DST: variants seen among roughly 807,000 people sequenced by gnomAD.
DST encodes the protein bullous pemphigoid antigen.
DST carries 253 observed loss-of-function variants against 875.2 expected under a neutral mutation model. That is an observed-to-expected ratio of 0.29 (90% CI 0.26 to 0.32). The LOEUF (loss-of-function observed/expected upper bound fraction) is 0.32, where lower values mean the gene tolerates loss of function less well. Among genes scored for constraint, DST ranks in the 10% least tolerant of loss-of-function variants. The pLI is 1.00. For synonymous variants in DST, 3,124 were observed against 3,197.1 expected, an observed-to-expected ratio of 0.98 and a Z score of 0.77; for missense variants, 8,287 against 9,111.6, an observed-to-expected ratio of 0.91 and a Z score of 3.68.
chr6:56,929,142 C>G (rs1808791949), intron 2 of DST, among the ~76,000 whole-genome samples: 1 of 152,114 alleles, frequency 6.6e-6, no homozygotes, highest in Non-Finnish European at 1.5e-5. Flanking sequence ...TTAAAATAAA[C>G]CATTGTAAAT....
chr6:56,522,855 C>T (rs998519639), intron 69 of DST, among the ~76,000 whole-genome samples: 6 of 152,082 alleles, frequency 3.9e-5, no homozygotes, highest in Non-Finnish European at 8.8e-5. Context: ...TGATGAATTG[C>T]TCTGAGGCTT....
intron 3 of DST, among the ~76,000 whole-genome samples, chr6:56,855,553 A>C (rs1767460861): frequency 6.6e-6 from 1 of 152,230 alleles, no homozygotes; most frequent in African/African-American, 2.4e-5. Context: ...GTTCAAAGCC[A>C]ATCACAAATA....
chr6:56,546,036 T>C (rs1396698687), intron 61 of DST, among the ~76,000 whole-genome samples: 2 of 152,110 alleles, frequency 1.3e-5, no homozygotes, highest in Admixed American at 6.6e-5. Context: ...CATATGAATA[T>C]GCAATAACTA....
chr6:56,897,709 C>G (rs1247435016), intron 3 of DST, among the ~76,000 whole-genome samples: 1 of 152,094 alleles, frequency 6.6e-6, no homozygotes, highest in Non-Finnish European at 1.5e-5. Context: ...TTGCTCAGTC[C>G]CTGGGAGACT....
At position 56,568,430 on chromosome 6, in the gene DST, ATTCTTAGTTT is replaced by A. The variant is rs755549926; in HGVS notation, c.14005+29_14005+38del. 2.5e-6 allele frequency: 4 copies of A among 1,574,820 alleles called. No individual in the cohort carries two copies. In the South Asian group the frequency reaches 4.8e-5, roughly 19 times the overall value. ...CACAAAATTGACATGAGTAAACCTG[ATTCTTAGTTT>A]TTGCCATAAATGTAAATAAAGCTCA... On this transcript the variant is annotated intron_variant, in intron 55 of 103. Transcript: ENST00000680361.
chr6:56,685,787 A>G (rs891732026), intron 9 of DST, among the ~76,000 whole-genome samples: 4 of 152,062 alleles, frequency 2.6e-5, no homozygotes, highest in African/African-American at 9.7e-5. Flanking sequence ...AAATTCAAAA[A>G]AGTAACACAG....
intron 49 of DST, among the ~76,000 whole-genome samples, chr6:56,587,516 A>G (rs1402593788): frequency 2.6e-5 from 4 of 152,228 alleles, no homozygotes; most frequent in South Asian, 4.2e-4. Flanking sequence ...AACTTCCCCA[A>G]TCTAGCAAGG....
chr6:56,605,403 A>G lies in DST; in HGVS notation c.9225T>C (p.Leu3075=), dbSNP rs1189412386. 6.2e-7 allele frequency: 1 copy of G among 1,612,832 alleles called. No individual in the cohort carries two copies. The highest frequency in any genetic ancestry group is 8.5e-7 in the Non-Finnish European group (1 of 1,179,298). The change falls in exon 40 of 104, where the codon CTT becomes CTC. Residue 3075 remains leucine (L), a synonymous_variant. Coordinates refer to ENST00000680361, the MANE Select transcript of DST (RefSeq NM_001374736.1). Reference sequence around the variant, plus strand: ...TATCCCTTGTATTTTTACCAGGCAAAAGTTTGAGATGCCTATTTTCTTCTT... The same window carrying G: ...TATCCCTTGTATTTTTACCAGGCAAGAGTTTGAGATGCCTATTTTCTTCTT... ...LVEEENRHLK[L]LPGKNTRDSF...
At chr6:56,760,937 C>G (rs2099615686) in intron 4 of DST, among the ~76,000 whole-genome samples, 1 of 152,240 alleles carries the variant, frequency 6.6e-6, no homozygotes, top group Admixed American at 6.5e-5. Flanking sequence ...ATGGAAACTT[C>G]TCCCTTCAAG....
Position 56,624,692 on chromosome 6 carries a change from T to C in DST, c.4831-64A>G, listed in dbSNP as rs111848917. On this transcript the variant is annotated intron_variant, in intron 35 of 103. Transcript: ENST00000680361. ...AGTTACTCTTACTAAGTTGAATGAA[T>C]TTTGAATAATAATTACATTAACTAG... 212 of 1,078,234 alleles carry C rather than the reference T, an allele frequency of 2.0e-4. 3 individuals are homozygous for C. The African/African-American group carries it at 2.8e-3, about 14-fold the overall frequency. 66.8% of individuals were successfully genotyped at this position (1,078,234 alleles called of 1,614,324 possible).
chr6:56,463,895 T>G, intron 100 of DST, 131 bp from the exon 101 acceptor site: 1 of 952,248 alleles, frequency 1.1e-6, no homozygotes, highest in Non-Finnish European at 1.7e-6. Flanking sequence ...CTTTTTGCCA[T>G]GCCAACTCCA....
intron 61 of DST, among the ~76,000 whole-genome samples, chr6:56,550,007 C>T (rs78309743): frequency 2.2e-4 from 33 of 152,194 alleles, no homozygotes; most frequent in African/African-American, 7.9e-4. Context: ...TAGCATCTAC[C>T]TCTCATGACT....
chr6:56,838,937 T>C (rs1045809626), intron 4 of DST, among the ~76,000 whole-genome samples: 11 of 152,272 alleles, frequency 7.2e-5, no homozygotes, highest in African/African-American at 2.7e-4. Context: ...TGTATCCAAA[T>C]TTTAAGTTCC....
Position 56,640,469 on chromosome 6 carries a change from C to T in DST, c.2164G>A (p.Ala722Thr). The change falls in exon 18 of 104, where the codon GCA becomes ACA. Residue 722 changes from alanine (A) to threonine (T), a missense_variant. Physicochemically the swap from Ala to Thr is moderately conservative, Grantham distance 58. Around this residue, in one of 10 missense-constraint regions of DST, gnomAD observed 1,160 missense variants for 1,424.3 expected, o/e 0.81. Coordinates refer to ENST00000680361, the MANE Select transcript of DST (RefSeq NM_001374736.1). ...GTCAGACTAGGGTGTAAGGTCTGTG[C>T]AAATCCTGAGTTTAAACTTTGAGTG... ...GITQSLNSGF[A>T]QTLHPSLTSG... 6.2e-7 allele frequency: 1 copy of T among 1,614,166 alleles called. No individual in the cohort carries two copies. Among genetic ancestry groups the T allele is most frequent in the Non-Finnish European group, 8.5e-7 (1 of 1,180,022 alleles).
chr6:56,843,639 C>T (rs1486418628), intron 4 of DST: 17 of 983,860 alleles, frequency 1.7e-5, no homozygotes, highest in Middle Eastern at 5.2e-4. Flanking sequence ...TGCTGCGCGG[C>T]GCATCTGCGG....
chr6:56,634,170 T>A lies in DST; in HGVS notation c.3583A>T (p.Asn1195Tyr). The A allele has an allele frequency of 6.2e-7, 1 of 1,613,550 alleles. No individual in the cohort carries two copies. Among genetic ancestry groups the A allele is most frequent in the Non-Finnish European group, 8.5e-7 (1 of 1,179,998 alleles). The change falls in exon 27 of 104, where the codon AAT becomes TAT. Residue 1195 changes from asparagine to tyrosine, a missense_variant. Physicochemically the swap from Asn to Tyr is moderately radical, Grantham distance 143. Coordinates refer to ENST00000680361, the MANE Select transcript of DST (RefSeq NM_001374736.1). Reference sequence around the variant, plus strand: ...CTAGCTCGAATTCTATCAATTTCATTGATGAGATAATGCCAGGATACTACA... The same window carrying A: ...CTAGCTCGAATTCTATCAATTTCATAGATGAGATAATGCCAGGATACTACA... ...KSVVSWHYLI[N>Y]EIDRIRASNV...
chr6:56,499,587 G>C (rs1042835414), intron 80 of DST, among the ~76,000 whole-genome samples: 1 of 152,082 alleles, frequency 6.6e-6, no homozygotes, highest in Non-Finnish European at 1.5e-5. Context: ...CAGCAATTCT[G>C]CTGGGAATTT....
intron 88 of DST, chr6:56,483,930 CACAAGCACACATG>C (rs2095484077): frequency 6.6e-6 from 1 of 152,170 alleles, no homozygotes; most frequent in Non-Finnish European, 1.5e-5. Flanking sequence ...TTCACACACA[CACAAGCACACATG>C]CAAATGGTAC....
In DST at chr6:56,604,532, C is replaced by G. The variant is rs780823274; in HGVS notation, c.10096G>C (p.Gly3366Arg). 3 of 1,612,330 alleles carry G rather than the reference C, an allele frequency of 1.9e-6. No individual in the cohort carries two copies. The highest frequency in any genetic ancestry group is 1.7e-6 in the Non-Finnish European group (2 of 1,179,048). Residue 3366 changes from glycine to arginine, a missense_variant, in exon 40 of 104, where the codon GGT (glycine) becomes CGT (arginine). Coordinates refer to ENST00000680361, the MANE Select transcript of DST (RefSeq NM_001374736.1). ...KDILKSRLKE[G>R]HMNPQEVEEP... is the part of the protein sequence containing the mutation. ...TCAACCTCTTGAGGGTTCATATGACCTTCTTTCAACCTGCTTTTTAAGATA... is the reference window on the plus strand; with the variant it reads ...TCAACCTCTTGAGGGTTCATATGACGTTCTTTCAACCTGCTTTTTAAGATA...
Sources: allele counts gnomAD v4.1 joint callset (sites outside exome capture counted in the v4.1 genomes callset), GRCh38; gene constraint gnomAD v4.1.1; regional missense constraint gnomAD v4.1.1; transcripts MANE v1.5; gene names NCBI Gene and HGNC (gene_info 2026-07-23, HGNC 2026-07-21).